MACROD2: variants seen among roughly 807,000 people sequenced by gnomAD.
MACROD2 encodes the protein ADP-ribose glycohydrolase MACROD2.
A neutral mutation model predicts 70.4 loss-of-function variants in MACROD2; 36 were observed. The ratio of observed to expected loss-of-function variants is 0.51; its 90% confidence interval spans 0.39 to 0.68. The LOEUF (loss-of-function observed/expected upper bound fraction) is 0.68, where lower values mean the gene tolerates loss of function less well. Among genes scored for constraint, MACROD2 ranks in the 30% least tolerant of loss-of-function variants. The pLI is 0.00. For synonymous variants in MACROD2, 172 were observed against 178.8 expected, an observed-to-expected ratio of 0.96 and a Z score of 0.30; for missense variants, 496 against 538.4, an observed-to-expected ratio of 0.92 and a Z score of 0.78.
intron 7 of MACROD2, among the ~76,000 whole-genome samples, chr20:15,433,594 A>C (rs934148779): frequency 6.6e-6 from 1 of 152,046 alleles, no homozygotes; most frequent in Non-Finnish European, 1.5e-5. Context: ...AATATATCCC[A>C]TGCTCATGGA....
At chr20:15,450,590 T>C (rs997625569) in intron 7 of MACROD2, among the ~76,000 whole-genome samples, 9 of 152,158 alleles carry the variant, frequency 5.9e-5, no homozygotes, top group African/African-American at 1.9e-4. Flanking sequence ...TGTTTCTATA[T>C]GTCAGTTTTA....
intron 5 of MACROD2, among the ~76,000 whole-genome samples, chr20:14,854,079 C>T (rs988166025): frequency 6.6e-6 from 1 of 152,020 alleles, no homozygotes; most frequent in Non-Finnish European, 1.5e-5. Flanking sequence ...TTAACCTGCT[C>T]CATGACCCCA....
chr20:14,857,393 C>T (rs2073266521), intron 5 of MACROD2, among the ~76,000 whole-genome samples: 1 of 152,180 alleles, frequency 6.6e-6, no homozygotes, highest in Non-Finnish European at 1.5e-5. Flanking sequence ...TGGAATTGTT[C>T]TCATGTATGC....
chr20:14,159,470 A>T lies in MACROD2; in HGVS notation c.271+73742A>T, dbSNP rs529012529. On this transcript the variant is annotated intron_variant, in intron 3 of 17. Coordinates refer to ENST00000684519, the MANE Select transcript of MACROD2 (RefSeq NM_001351661.2). ...TTCTTGGTTAAATTTATTCTTAGGTATTTTTTTGTGGCTATTGTAAATGAG... is the reference window on the plus strand; with the variant it reads ...TTCTTGGTTAAATTTATTCTTAGGTTTTTTTTTGTGGCTATTGTAAATGAG... 1.6e-4 allele frequency among the ~76,000 whole-genome samples: 25 copies of T among 151,908 alleles called. 1 individual carries two copies. Among genetic ancestry groups the T allele is most frequent in the African/African-American group, 5.3e-4 (22 of 41,408 alleles).
intron 5 of MACROD2, among the ~76,000 whole-genome samples, chr20:15,180,144 C>G (rs2076490195): frequency 6.6e-6 from 1 of 152,184 alleles, no homozygotes; most frequent in Non-Finnish European, 1.5e-5. Flanking sequence ...ACTTAACCCC[C>G]TCTTTGAAGG....
chr20:14,565,616 A>G lies in MACROD2; in HGVS notation c.301+72108A>G, dbSNP rs1487920595. Among the ~76,000 whole-genome samples the G allele has an allele frequency of 2.0e-5, 3 of 151,984 alleles. No homozygotes were observed. In the East Asian group the frequency reaches 5.8e-4, roughly 29 times the overall value. Reference sequence around the variant, plus strand: ...CAAGTCCTAAACTATTCTAAAATCAAAATTTGTCAACAATAATATTTTTAA... The same window carrying G: ...CAAGTCCTAAACTATTCTAAAATCAGAATTTGTCAACAATAATATTTTTAA... On this transcript the variant is annotated intron_variant, in intron 4 of 17. Coordinates refer to ENST00000684519, the MANE Select transcript of MACROD2 (RefSeq NM_001351661.2).
chr20:15,894,718 G>T (rs147299748), intron 10 of MACROD2, among the ~76,000 whole-genome samples: 1 of 152,360 alleles, frequency 6.6e-6, no homozygotes, highest in Non-Finnish European at 1.5e-5. Flanking sequence ...GTCAGTGATG[G>T]CTGTTGTTAT....
chr20:15,977,545 G>T (rs927332058), intron 13 of MACROD2, among the ~76,000 whole-genome samples: 20 of 152,306 alleles, frequency 1.3e-4, no homozygotes, highest in African/African-American at 4.3e-4. Context: ...GTAAGTTATA[G>T]TCCTTAATAA....
At chr20:15,174,097 T>C (rs1049096895) in intron 5 of MACROD2, among the ~76,000 whole-genome samples, 4 of 152,232 alleles carry the variant, frequency 2.6e-5, no homozygotes, top group Non-Finnish European at 5.9e-5. Flanking sequence ...AAATCATGAT[T>C]TTCCTAATGC....
In MACROD2 at chr20:15,852,946, G is replaced by A. The variant is rs539517963; in HGVS notation, c.646-9799G>A. Among the ~76,000 whole-genome samples the A allele has an allele frequency of 1.9e-4, 29 of 152,272 alleles. No individual in the cohort carries two copies. The East Asian group carries it at 4.1e-3, about 21-fold the overall frequency. ...GGACTCCTTGATTTCAGGAGTTCTA[G>A]GCTGCAGTGAGCTATGTTTGCACCA... On this transcript the variant is annotated intron_variant, in intron 8 of 17. Transcript: ENST00000684519.
intron 6 of MACROD2, among the ~76,000 whole-genome samples, chr20:15,361,378 C>G (rs1422264197): frequency 2.0e-5 from 3 of 152,170 alleles, no homozygotes; most frequent in African/African-American, 7.2e-5. Context: ...GTTGGCCATA[C>G]ATGTATGGAT....
rs754984221 is a variant in MACROD2 at position 15,229,930 on chromosome 20, G to A, written c.419-10G>A. ...GCTTATCCTCTTTTTCCTTCCTTTT[G>A]TATTTACAGATGTCATCCATACTGT... On this transcript the variant is annotated splice_polypyrimidine_tract_variant and intron_variant, in intron 5 of 17. Transcript: ENST00000684519. The A allele has an allele frequency of 1.6e-5, 25 of 1,591,938 alleles. No homozygotes were observed. In the Admixed American group the frequency reaches 2.0e-4, roughly 13 times the overall value.
At chr20:14,138,846 T>C (rs1307286894) in intron 3 of MACROD2, among the ~76,000 whole-genome samples, 1 of 151,768 alleles carries the variant, frequency 6.6e-6, no homozygotes, top group Non-Finnish European at 1.5e-5. Flanking sequence ...ATTAGTTTGA[T>C]TGTGGAAATC....
At chr20:15,039,973 G>A (rs947509160) in intron 5 of MACROD2, among the ~76,000 whole-genome samples, 2 of 152,054 alleles carry the variant, frequency 1.3e-5, no homozygotes, top group African/African-American at 2.4e-5. Flanking sequence ...TTAAGGGGTC[G>A]ACGTTCAATT....
At chr20:15,716,067 A>C (rs1296710885) in intron 8 of MACROD2, among the ~76,000 whole-genome samples, 1 of 152,178 alleles carries the variant, frequency 6.6e-6, no homozygotes, top group Non-Finnish European at 1.5e-5. Flanking sequence ...TAAAACTATT[A>C]AATTATTTAT....
intron 6 of MACROD2, among the ~76,000 whole-genome samples, chr20:15,275,057 G>T (rs1031489130): frequency 1.3e-5 from 2 of 152,114 alleles, no homozygotes; most frequent in Admixed American, 6.6e-5. Context: ...GACTGGGGGT[G>T]GGGGAGGTGC....
At chr20:15,257,309 G>T (rs1378575654) in intron 6 of MACROD2, among the ~76,000 whole-genome samples, 1 of 151,972 alleles carries the variant, frequency 6.6e-6, no homozygotes, top group African/African-American at 2.4e-5. Context: ...GCCTCTGGGG[G>T]CAAGTGGAGG....
intron 3 of MACROD2, among the ~76,000 whole-genome samples, chr20:14,378,167 G>T (rs1339078476): frequency 6.6e-6 from 1 of 152,170 alleles, no homozygotes; most frequent in Non-Finnish European, 1.5e-5. Flanking sequence ...CTGAGAATTT[G>T]CATTTCTAAC....
At chr20:14,412,188 T>G (rs557585081) in intron 3 of MACROD2, among the ~76,000 whole-genome samples, 1 of 152,184 alleles carries the variant, frequency 6.6e-6, no homozygotes, top group African/African-American at 2.4e-5. Flanking sequence ...TATCTAGGCC[T>G]TAATCAAACA....
Sources: allele counts gnomAD v4.1 joint callset (sites outside exome capture counted in the v4.1 genomes callset), GRCh38; gene constraint gnomAD v4.1.1; transcripts MANE v1.5; gene names NCBI Gene and HGNC (gene_info 2026-07-23, HGNC 2026-07-21).